The following UTRN variants were observed in gnomAD, a reference collection of about 807,000 sequenced individuals.
UTRN encodes the protein dystrophin-related protein 1.
A neutral mutation model predicts 463.9 loss-of-function variants in UTRN; 283 were observed. That is an observed-to-expected ratio of 0.61 (90% CI 0.55 to 0.67). UTRN has a LOEUF of 0.67. Among genes scored for constraint, UTRN ranks in the 30% least tolerant of loss-of-function variants. The pLI, the probability that UTRN is intolerant of heterozygous loss-of-function variation, is 0.00. For synonymous variants in UTRN, 1,442 were observed against 1,431.5 expected (o/e 1.01, Z -0.17); for missense variants, 3,922 against 4,084.3 (o/e 0.96, Z 1.08).
intron 2 of UTRN, among the ~76,000 whole-genome samples, chr6:144,302,105 T>A (rs1390953440): frequency 2.0e-5 from 3 of 152,220 alleles, no homozygotes; most frequent in Non-Finnish European, 2.9e-5. Context: ...ACGTGTTCAC[T>A]CTTCATTTCT....
chr6:144,674,361 T>G (rs1781376062), intron 51 of UTRN, among the ~76,000 whole-genome samples: 2 of 151,888 alleles, frequency 1.3e-5, no homozygotes, highest in Admixed American at 6.6e-5. Context: ...TTATTTGTCT[T>G]TGTCAGATTG....
rs768667335 is a variant in UTRN at position 144,522,082 on chromosome 6, T to G, written c.5644T>G (p.Cys1882Gly). ...GGTTGAAATTAACAAAATTTTACTT[T>G]GCATGGATGATGTTGAATTATCGCT... ...YLVEINKILLCMDDVELSLNV... is the reference protein window; with the variant it reads ...YLVEINKILLGMDDVELSLNV... The change falls in exon 40 of 75, where the codon TGC becomes GGC. Residue 1882 changes from cysteine to glycine, a missense_variant. By Grantham distance (159) the Cys-to-Gly change is radical. This residue lies in a region of UTRN where 2,349 missense variants were observed against 2,303.8 expected (regional missense o/e 1.02). Transcript: ENST00000367545. 113 of 1,592,342 alleles carry G rather than the reference T, an allele frequency of 7.1e-5. No individual in the cohort carries two copies. Among genetic ancestry groups the G allele is most frequent in the Non-Finnish European group, 9.0e-5 (105 of 1,170,986 alleles).
chr6:144,459,970 G>A (rs1282789536), intron 21 of UTRN, among the ~76,000 whole-genome samples: 1 of 149,750 alleles, frequency 6.7e-6, no homozygotes, highest in Non-Finnish European at 1.5e-5. Context: ...GTCAGCCATT[G>A]TACCTGACCT....
Position 144,669,828 on chromosome 6 carries a change from C to T in UTRN, c.7480-8578C>T, listed in dbSNP as rs559114462. Among the ~76,000 whole-genome samples the T allele has an allele frequency of 3.9e-5, 6 of 152,222 alleles. No individual in the cohort carries two copies. The South Asian group carries it at 1.2e-3, about 32-fold the overall frequency. ...CTCAGCTCCCACTTATAAGTGAGAA[C>T]ATACGATGTTTGATTTTCCATTCCT... On this transcript the variant is annotated intron_variant, in intron 51 of 74. Coordinates refer to ENST00000367545, the MANE Select transcript of UTRN (RefSeq NM_007124.3).
At chr6:144,495,773 G>A (rs1326079061) in intron 33 of UTRN, among the ~76,000 whole-genome samples, 1 of 152,246 alleles carries the variant, frequency 6.6e-6, no homozygotes, top group African/African-American at 2.4e-5. Flanking sequence ...ATGGATAGCA[G>A]TAGCCGGTGT....
intron 9 of UTRN, among the ~76,000 whole-genome samples, chr6:144,430,609 C>G (rs569505189): frequency 6.6e-6 from 1 of 152,134 alleles, no homozygotes; most frequent in Non-Finnish European, 1.5e-5. Context: ...GTTTTGTCTG[C>G]AAAATGTGGT....
intron 48 of UTRN, 107 bp from the exon 49 acceptor site, chr6:144,554,581 T>G: frequency 8.5e-7 from 1 of 1,181,158 alleles, no homozygotes; most frequent in Non-Finnish European, 1.2e-6. Flanking sequence ...CAGCTTGCCT[T>G]CTTCTGTTTA....
chr6:144,404,396 A>G (rs1783202139), intron 3 of UTRN, among the ~76,000 whole-genome samples: 2 of 152,346 alleles, frequency 1.3e-5, no homozygotes, highest in Middle Eastern at 3.4e-3. Context: ...CGGGCTTGAC[A>G]TGAATAAAAA....
chr6:144,753,709 A>AG (rs1791645928), intron 56 of UTRN, among the ~76,000 whole-genome samples: 1 of 151,806 alleles, frequency 6.6e-6, no homozygotes, highest in African/African-American at 2.4e-5. Flanking sequence ...CCAAAAAAAA[A>AG]AAAAAAAATT....
intron 55 of UTRN, 80 bp downstream of exon 55, chr6:144,748,594 T>G: frequency 6.6e-7 from 1 of 1,513,932 alleles, no homozygotes; most frequent in Non-Finnish European, 8.8e-7. Context: ...GCCACGTATA[T>G]AAATTGTTAT....
chr6:144,754,087 A>G (rs1387745929), intron 56 of UTRN, among the ~76,000 whole-genome samples: 1 of 150,658 alleles, frequency 6.6e-6, no homozygotes, highest in African/African-American at 2.5e-5. Context: ...TCCACTATCT[A>G]TGTACTGTCT....
chr6:144,489,027 G>GTTTATTTTAT (rs141795341), intron 30 of UTRN, among the ~76,000 whole-genome samples, 193 bp downstream of exon 30: 19,528 of 148,352 alleles, frequency 0.13, 1,574 homozygotes, highest in African/African-American at 0.2. Flanking sequence ...GTCTTATATA[G>GTTTATTTTAT]TTTATTTTAT....
At chr6:144,478,469 C>T (rs1290397229) in intron 25 of UTRN, among the ~76,000 whole-genome samples, 2 of 152,118 alleles carry the variant, frequency 1.3e-5, no homozygotes, top group African/African-American at 4.8e-5. Flanking sequence ...AAAAGCTGAC[C>T]AGGTTAACCT....
chr6:144,346,328 C>T (rs569316488), intron 2 of UTRN, among the ~76,000 whole-genome samples: 2 of 152,074 alleles, frequency 1.3e-5, no homozygotes, highest in African/African-American at 4.8e-5. Flanking sequence ...AGGAAAATAG[C>T]ATTTTTAAAA....
intron 31 of UTRN, among the ~76,000 whole-genome samples, chr6:144,490,478 G>T (rs930743459): frequency 3.9e-5 from 6 of 152,220 alleles, no homozygotes; most frequent in Non-Finnish European, 8.8e-5. Context: ...TTAATGCAGA[G>T]CCTCTGTCAG....
chr6:144,791,585 T>C (rs1586589766), intron 62 of UTRN, among the ~76,000 whole-genome samples: 1 of 151,078 alleles, frequency 6.6e-6, no homozygotes, highest in Non-Finnish European at 1.5e-5. Flanking sequence ...AAAAAAAAAG[T>C]ACACATTTTC....
At chr6:144,532,282 T>A (rs774903375) in intron 42 of UTRN, among the ~76,000 whole-genome samples, 16 of 152,218 alleles carry the variant, frequency 1.1e-4, no homozygotes, top group Non-Finnish European at 2.1e-4. Flanking sequence ...GTTCTCATGC[T>A]GCTAATAAAG....
intron 27 of UTRN, among the ~76,000 whole-genome samples, chr6:144,483,929 T>C (rs1035126070): frequency 6.6e-6 from 1 of 152,146 alleles, no homozygotes; most frequent in Non-Finnish European, 1.5e-5. Flanking sequence ...TGTAGAAAAA[T>C]GTACTGCTCC....
At chr6:144,456,841 C>G (rs1445415209) in intron 19 of UTRN, among the ~76,000 whole-genome samples, 1 of 151,844 alleles carries the variant, frequency 6.6e-6, no homozygotes, top group African/African-American at 2.4e-5. Context: ...TGAATCAATG[C>G]CCATTGTGGT....
Sources: gnomAD v4.1 joint callset for allele counts (sites outside exome capture counted in the v4.1 genomes callset) on GRCh38, gnomAD v4.1.1 for gene constraint, gnomAD v4.1.1 regional missense constraint, MANE v1.5 for transcripts, NCBI Gene and HGNC (gene_info 2026-07-23, HGNC 2026-07-21) for gene names.